Variants in ADSL observed in about 807,000 individuals in gnomAD.
The protein encoded by ADSL is adenylosuccinase.
ADSL carries 44 observed loss-of-function variants against 62.1 expected under a neutral mutation model. The ratio of observed to expected loss-of-function variants is 0.71; its 90% CI spans 0.56 to 0.91. The LOEUF (loss-of-function observed/expected upper bound fraction) is 0.91, where lower values mean the gene tolerates loss of function less well. Among genes scored for constraint, ADSL ranks in the 40% least tolerant of loss-of-function variants. ADSL has a pLI of 0.00. For missense variants in ADSL, 531 were observed against 627.4 expected, an observed-to-expected ratio of 0.85 and a Z score of 1.64; for synonymous variants, 198 against 220.5, an observed-to-expected ratio of 0.90 and a Z score of 0.90.
intron 1 of ADSL, chr22:40,348,629 C>T (rs1378313158): frequency 5.0e-6 from 2 of 398,526 alleles, no homozygotes; most frequent in Admixed American, 4.4e-5. Flanking sequence ...GATCCACCGA[C>T]CTTGGCCTCC....
intron 1 of ADSL, chr22:40,348,749 T>C: frequency 2.5e-6 from 1 of 396,176 alleles, no homozygotes; most frequent in Admixed American, 4.4e-5. Flanking sequence ...TAGTAGCTCC[T>C]TTCTTGGATA....
At chr22:40,358,709 A>G (rs1463564596) in intron 4 of ADSL, among the ~76,000 whole-genome samples, 155 bp from the exon 5 acceptor site, 2 of 152,170 alleles carry the variant, frequency 1.3e-5, no homozygotes, top group African/African-American at 4.8e-5. Context: ...TTGGTTAAAC[A>G]TTTTATCTCT....
chr22:40,387,421 A>C, intron 2 of ADSL: 1 of 382,666 alleles, frequency 2.6e-6, no homozygotes, highest in Non-Finnish European at 4.6e-6. Context: ...TAGTTTGTTG[A>C]CCTGTGTAGT....
intron 4 of ADSL, among the ~76,000 whole-genome samples, chr22:40,357,725 T>C (rs2044619271): frequency 6.6e-6 from 1 of 152,244 alleles, no homozygotes; most frequent in African/African-American, 2.4e-5. Context: ...ATTACCTTCA[T>C]CGTTCTTTTA....
intron 1 of ADSL, 39 bp downstream of exon 1, chr22:40,346,750 C>T (rs2044156059): frequency 6.4e-7 from 1 of 1,563,008 alleles, no homozygotes; most frequent in Non-Finnish European, 8.6e-7. Context: ...CCGGGAGGGA[C>T]GGGCCCGCCC....
In ADSL at chr22:40,361,628, G is replaced by A; in HGVS notation, c.1003G>A (p.Ala335Thr). ...GTTTGAACGCACACTGGATGATAGT[G>A]CCAACCGGTCAGTGGCACAGGGACA... is the stretch of plus-strand genomic sequence containing the variant. ...QWFERTLDDSANRRICLAEAF... is the reference protein window; with the variant it reads ...QWFERTLDDSTNRRICLAEAF... Residue 335 changes from alanine (A) to threonine (T), a missense_variant, in exon 9 of 13, where the codon GCC becomes ACC. Ala to Thr is a moderately conservative substitution (Grantham distance 58). This residue lies in a region of ADSL where 471 missense variants were observed against 592.9 expected (regional missense o/e 0.79). Transcript: ENST00000623063. 1 of 1,613,424 alleles carries A rather than the reference G, an allele frequency of 6.2e-7. No individual in the cohort carries two copies. The highest frequency in any genetic ancestry group is 8.5e-7 in the Non-Finnish European group (1 of 1,180,034).
intron 4 of ADSL, among the ~76,000 whole-genome samples, chr22:40,358,082 CTTGTT>C (rs569077903): frequency 9.0e-4 from 137 of 152,270 alleles, no homozygotes; most frequent in African/African-American, 3.2e-3. Flanking sequence ...CTGGCCTAAT[CTTGTT>C]TTGTTTTCTT....
At chr22:40,358,718 CTT>C (rs1262442456) in intron 4 of ADSL, 144 bp from the exon 5 acceptor site, 2 of 701,982 alleles carry the variant, frequency 2.8e-6, no homozygotes, top group Non-Finnish European at 2.5e-6. Context: ...CATTTTATCT[CTT>C]GTTTTATCTT....
chr22:40,384,722 A>G (rs1010785576), intron 2 of ADSL, among the ~76,000 whole-genome samples: 3 of 152,230 alleles, frequency 2.0e-5, no homozygotes, highest in African/African-American at 4.8e-5. Flanking sequence ...CGGAGTTTGC[A>G]GTAAGCTGAG....
chr22:40,364,133 A>G (rs1229180900), intron 10 of ADSL, 143 bp from the exon 11 acceptor site: 1 of 718,238 alleles, frequency 1.4e-6, no homozygotes, highest in Non-Finnish European at 2.5e-6. Context: ...CTGAAAAAAC[A>G]TCATATAGAA....
At chr22:40,380,663 G>T (rs2047420534) in intron 2 of ADSL, among the ~76,000 whole-genome samples, 1 of 152,062 alleles carries the variant, frequency 6.6e-6, no homozygotes, top group Non-Finnish European at 1.5e-5. Flanking sequence ...ATAAAAACAG[G>T]CCTGGCTCAC....
At chr22:40,349,774 C>T in intron 1 of ADSL, 58 bp from the exon 2 acceptor site, 1 of 1,496,680 alleles carries the variant, frequency 6.7e-7, no homozygotes, top group Middle Eastern at 1.8e-4. Flanking sequence ...CTTGGTGTCA[C>T]TTCATTCAAA....
intron 2 of ADSL, among the ~76,000 whole-genome samples, chr22:40,384,908 T>C (rs1432836888): frequency 6.6e-6 from 1 of 152,218 alleles, no homozygotes; most frequent in African/African-American, 2.4e-5. Flanking sequence ...ATGACAGTAA[T>C]AGCTAAATCC....
Position 40,348,630 on chromosome 22 carries a change from C to T in ADSL, c.154-1202C>T, listed in dbSNP as rs1243043052. 6 of 398,532 alleles carry T rather than the reference C, an allele frequency of 1.5e-5. No individual in the cohort carries two copies. In the Admixed American group the frequency reaches 1.8e-4, roughly 12 times the overall value. 24.7% of individuals were successfully genotyped at this position (398,532 alleles called of 1,614,324 possible). A position where few individuals can be genotyped will look rare whatever the true frequency, so the allele number is the denominator to read the frequency against. Reference sequence around the variant, plus strand: ...TTCTGGACTCAAGCGATCCACCGACCTTGGCCTCCCAAAGATGTGAGCCAC... The same window carrying T: ...TTCTGGACTCAAGCGATCCACCGACTTTGGCCTCCCAAAGATGTGAGCCAC... On this transcript the variant is annotated intron_variant, in intron 1 of 12. Transcript: ENST00000623063.
rs1308263422 is a variant in ADSL, at chr22:40,346,676, C to T, written c.118C>T (p.Arg40Trp). The T allele has an allele frequency of 6.2e-7, 1 of 1,612,532 alleles. No individual in the cohort carries two copies. ...FSDRYKFRTW[R>W]QLWLWLAEAE... ...CGACAGGTATAAATTCCGGACATGG[C>T]GGCAGCTGTGGCTGTGGCTGGCGGA... Residue 40 changes from arginine to tryptophan, a missense_variant, in exon 1 of 13, where the codon CGG (arginine) becomes TGG (tryptophan). Around this residue, in one of 2 missense-constraint regions of ADSL, gnomAD observed 471 missense variants for 592.9 expected, o/e 0.79. Coordinates refer to ENST00000623063, the MANE Select transcript of ADSL (RefSeq NM_000026.4).
At chr22:40,354,793 C>T (rs896434848) in intron 4 of ADSL, among the ~76,000 whole-genome samples, 11 of 150,804 alleles carry the variant, frequency 7.3e-5, no homozygotes, top group Non-Finnish European at 1.6e-4. Flanking sequence ...CACTTGAACC[C>T]GGGACGCGGA....
chr22:40,359,589 G>A (rs2044701435), intron 6 of ADSL, among the ~76,000 whole-genome samples: 1 of 150,748 alleles, frequency 6.6e-6, no homozygotes, highest in South Asian at 2.1e-4. Flanking sequence ...CCAGGCTGGA[G>A]TGCAGCGGTG....
intron 1 of ADSL, chr22:40,348,535 C>T (rs894059536): frequency 8.8e-5 from 35 of 398,522 alleles, no homozygotes; most frequent in Admixed American, 5.7e-4. Flanking sequence ...TGCACGCCAC[C>T]ACGCCCGGCA....
chr22:40,368,402 G>T lies in ADSL; in HGVS notation c.*1880G>T, dbSNP rs1245275433. The T allele has an allele frequency of 6.6e-6, 1 of 152,196 alleles. No homozygotes were observed. The highest frequency in any genetic ancestry group is 2.4e-5 in the African/African-American group (1 of 41,450). The allele number at this position is 152,196 out of a possible 1,614,324, so 9.4% of individuals were successfully genotyped here. On this transcript the variant is annotated 3_prime_UTR_variant, in exon 13 of 13. Transcript: ENST00000623063. ...ATTTACAGTCCCAGCTACTTGGGAA[G>T]CTGAGGCGATAGGGTCACTTGAGCC...
Sources: allele counts gnomAD v4.1 joint callset (sites outside exome capture counted in the v4.1 genomes callset), GRCh38; gene constraint gnomAD v4.1.1; regional missense constraint gnomAD v4.1.1; transcripts MANE v1.5; gene names NCBI Gene and HGNC (gene_info 2026-07-23, HGNC 2026-07-21).